ALPK1: variants seen among roughly 807,000 people sequenced by gnomAD.
ALPK1 encodes the protein alpha kinase 1.
ALPK1 carries 110 observed loss-of-function variants against 120.6 expected under a neutral mutation model. That is an observed-to-expected ratio of 0.91 (90% CI 0.78 to 1.07). The LOEUF is 1.07. Among genes scored for constraint, ALPK1 ranks in the 50% least tolerant of loss-of-function variants. The pLI is 0.00. For synonymous variants in ALPK1, 582 were observed against 560.3 expected, an observed-to-expected ratio of 1.04 and a Z score of -0.55; for missense variants, 1,498 against 1,483.9, an observed-to-expected ratio of 1.01 and a Z score of -0.16.
At chr4:112,369,473 G>C (rs1384722951) in intron 2 of ALPK1, among the ~76,000 whole-genome samples, 2 of 152,158 alleles carry the variant, frequency 1.3e-5, no homozygotes, top group African/African-American at 4.8e-5. Flanking sequence ...TTAGAGACCA[G>C]AATACCTTTT....
chr4:112,419,002 G>C (rs1412836349), intron 5 of ALPK1, among the ~76,000 whole-genome samples: 1 of 152,152 alleles, frequency 6.6e-6, no homozygotes, highest in Non-Finnish European at 1.5e-5. Context: ...AGACAATATG[G>C]CTGAACACAT....
intron 1 of ALPK1, among the ~76,000 whole-genome samples, chr4:112,315,310 T>C (rs896224756): frequency 1.3e-5 from 2 of 152,248 alleles, no homozygotes; most frequent in Non-Finnish European, 2.9e-5. Flanking sequence ...TAGACTTTTT[T>C]AAAGTCAGTG....
chr4:112,326,498 C>T (rs1216607104), intron 2 of ALPK1, among the ~76,000 whole-genome samples: 1 of 152,166 alleles, frequency 6.6e-6, no homozygotes, highest in African/African-American at 2.4e-5. Context: ...GCATTCAAGT[C>T]TTAATGGAAT....
At chr4:112,301,399 G>C (rs1308837042) in intron 1 of ALPK1, among the ~76,000 whole-genome samples, 1 of 152,148 alleles carries the variant, frequency 6.6e-6, no homozygotes, top group East Asian at 1.9e-4. Flanking sequence ...TTAGGCTTCT[G>C]AAGGCGCAGC....
intron 2 of ALPK1, among the ~76,000 whole-genome samples, chr4:112,334,422 G>C (rs1248706529): frequency 7.3e-6 from 1 of 136,892 alleles, no homozygotes; most frequent in Non-Finnish European, 1.5e-5. Flanking sequence ...GACAGAGGAA[G>C]ACTCTGCCTC....
chr4:112,314,038 T>C (rs1241699927), intron 1 of ALPK1, among the ~76,000 whole-genome samples: 2 of 152,164 alleles, frequency 1.3e-5, no homozygotes, highest in Non-Finnish European at 2.9e-5. Context: ...TGTAAAAGAT[T>C]GAGAGAGGAA....
At chr4:112,343,756 TC>T (rs1225360351) in intron 2 of ALPK1, among the ~76,000 whole-genome samples, 28 of 60,288 alleles carry the variant, frequency 4.6e-4, no homozygotes, top group African/African-American at 1.8e-3. Context: ...CCCCCCCTTC[TC>T]CCCCCTACCC....
At position 112,425,708 on chromosome 4, in the gene ALPK1, G is replaced by T. The variant is rs771854606; in HGVS notation, c.579G>T (p.Gln193His). Residue 193 changes from glutamine to histidine, a missense_variant, in exon 7 of 16, where the codon CAG (glutamine) becomes CAT (histidine). Physicochemically the swap from Gln to His is conservative, Grantham distance 24. Transcript: ENST00000650871. Reference protein sequence around the residue: ...YRNESDKVLVQSVCIQIRGQI... With the variant: ...YRNESDKVLVHSVCIQIRGQI... ...ATGAAAGTGACAAGGTCCTGGTGCAGTCGGTCTGTATACAGATCAGAGGGC... is the reference window on the plus strand; with the variant it reads ...ATGAAAGTGACAAGGTCCTGGTGCATTCGGTCTGTATACAGATCAGAGGGC... 3.1e-6 allele frequency: 5 copies of T among 1,613,170 alleles called. No homozygotes were observed. The highest frequency in any genetic ancestry group is 1.1e-5 in the South Asian group (1 of 91,056).
intron 4 of ALPK1, among the ~76,000 whole-genome samples, chr4:112,389,932 A>G (rs1578526962): frequency 6.6e-6 from 1 of 151,866 alleles, no homozygotes; most frequent in Non-Finnish European, 1.5e-5. Context: ...TCTCTCCTCA[A>G]TTCCCCTCCA....
chr4:112,354,305 C>T (rs1202811785), intron 2 of ALPK1, among the ~76,000 whole-genome samples: 1 of 152,012 alleles, frequency 6.6e-6, no homozygotes, highest in Non-Finnish European at 1.5e-5. Context: ...TTCTCTTTTA[C>T]ACACTGTGTA....
chr4:112,313,973 A>G (rs1208842731), intron 1 of ALPK1, among the ~76,000 whole-genome samples: 1 of 152,242 alleles, frequency 6.6e-6, no homozygotes, highest in East Asian at 1.9e-4. Flanking sequence ...GAAAGAAATA[A>G]TGGCATATTT....
intron 1 of ALPK1, among the ~76,000 whole-genome samples, chr4:112,310,536 C>T (rs1728349825): frequency 6.6e-6 from 1 of 152,084 alleles, no homozygotes. Context: ...TATTTAAAAA[C>T]AAGACTTTAC....
chr4:112,437,356 A>C (rs1404326040), intron 12 of ALPK1, among the ~76,000 whole-genome samples: 7 of 152,092 alleles, frequency 4.6e-5, no homozygotes, highest in African/African-American at 1.7e-4. Flanking sequence ...ACTAAAGAAA[A>C]ATGATCCCAG....
At chr4:112,301,298 G>T (rs1008351477) in intron 1 of ALPK1, among the ~76,000 whole-genome samples, 2 of 152,106 alleles carry the variant, frequency 1.3e-5, no homozygotes, top group African/African-American at 4.8e-5. Flanking sequence ...AAGATTGCAG[G>T]TTACTCAATA....
At chr4:112,303,216 A>G (rs1392176814) in intron 1 of ALPK1, among the ~76,000 whole-genome samples, 3 of 152,038 alleles carry the variant, frequency 2.0e-5, no homozygotes, top group Admixed American at 1.3e-4. Context: ...GGATGTACTT[A>G]ACACTAATAT....
intron 11 of ALPK1, among the ~76,000 whole-genome samples, chr4:112,434,546 G>C (rs184702370): frequency 1.3e-5 from 2 of 152,302 alleles, no homozygotes; most frequent in East Asian, 1.9e-4. Flanking sequence ...GCTTAGCACT[G>C]TTCTTCCTTT....
At chr4:112,361,418 C>G (rs962480618) in intron 2 of ALPK1, among the ~76,000 whole-genome samples, 1 of 152,160 alleles carries the variant, frequency 6.6e-6, no homozygotes, top group Admixed American at 6.5e-5. Context: ...GCCAGGAAGC[C>G]GGGTGAGGCC....
chr4:112,306,114 G>GGATAAGCTT (rs1676039595), intron 1 of ALPK1, among the ~76,000 whole-genome samples: 1 of 152,152 alleles, frequency 6.6e-6, no homozygotes, highest in Admixed American at 6.5e-5. Flanking sequence ...TGATCATGGT[G>GGATAAGCTT]GATAAGCTTT....
intron 2 of ALPK1, chr4:112,357,268 T>C (rs1011988051): frequency 7.5e-7 from 1 of 1,326,744 alleles, no homozygotes; most frequent in South Asian, 1.3e-5. Flanking sequence ...CAGGACGTGC[T>C]GGGGTGTTCG....
Sources: allele counts gnomAD v4.1 joint callset (sites outside exome capture counted in the v4.1 genomes callset), GRCh38; gene constraint gnomAD v4.1.1; transcripts MANE v1.5; gene names NCBI Gene and HGNC (gene_info 2026-07-23, HGNC 2026-07-21).